Variants in RAPGEF1 observed in about 807,000 individuals in gnomAD.
The protein encoded by RAPGEF1 is CRK SH3-binding GNRP.
In RAPGEF1, 33 loss-of-function variants were observed where a neutral mutation model predicts 143.3. The observed-to-expected ratio is 0.23, with a 90% CI of 0.17 to 0.31. The LOEUF is 0.31. Ranked by LOEUF, RAPGEF1 falls within the 10% of genes least tolerant of loss-of-function variation. RAPGEF1 has a pLI of 1.00. For missense variants in RAPGEF1, 1,199 were observed against 1,645.4 expected (o/e 0.73, Z 4.69); for synonymous variants, 629 against 676.5 (o/e 0.93, Z 1.09).
At chr9:131,699,395 C>A (rs1834456057) in intron 1 of RAPGEF1, among the ~76,000 whole-genome samples, 1 of 152,146 alleles carries the variant, frequency 6.6e-6, no homozygotes, top group Non-Finnish European at 1.5e-5. Context: ...CAGGCATGTG[C>A]CACCATGCCT....
intron 25 of RAPGEF1, among the ~76,000 whole-genome samples, chr9:131,580,955 G>C (rs1951773195): frequency 6.6e-6 from 1 of 152,046 alleles, no homozygotes. Flanking sequence ...GATCAACCTG[G>C]CCAACATGGT....
At chr9:131,677,162 G>A (rs1832475581) in intron 1 of RAPGEF1, among the ~76,000 whole-genome samples, 1 of 152,372 alleles carries the variant, frequency 6.6e-6, no homozygotes, top group East Asian at 1.9e-4. Flanking sequence ...CGTCTGCTTT[G>A]TGTTTAAGTT....
At chr9:131,691,624 G>C (rs1193337646) in intron 1 of RAPGEF1, among the ~76,000 whole-genome samples, 3 of 152,138 alleles carry the variant, frequency 2.0e-5, no homozygotes, top group Admixed American at 6.5e-5. Flanking sequence ...TTTTCAAGGA[G>C]ATTCATGGAA....
rs368355023 is a variant in RAPGEF1, at chr9:131,625,954, G to A, written c.1670C>T (p.Pro557Leu). 2 of 1,587,994 alleles carry A rather than the reference G, an allele frequency of 1.3e-6. No homozygotes were observed. Among genetic ancestry groups the A allele is most frequent in the African/African-American group, 2.7e-5 (2 of 74,384 alleles). ...GTTTTTCTTCTCTGGTAGAGGAGGT[G>A]GTTTTTCTGGGTCACCGGTTGACTC... ...APESTGDPEK[P>L]PPLPEKKNKH... The change falls in exon 10 of 27, where the codon CCA becomes CTA. Residue 557 changes from proline (P) to leucine (L), a missense_variant. This residue lies in a region of RAPGEF1 where 16 missense variants were observed against 52.7 expected (regional missense o/e 0.30). Coordinates refer to ENST00000683357, the MANE Select transcript of RAPGEF1 (RefSeq NM_001377935.1).
chr9:131,642,700 C>A (rs567704892), intron 4 of RAPGEF1, among the ~76,000 whole-genome samples: 7 of 152,182 alleles, frequency 4.6e-5, no homozygotes, highest in Non-Finnish European at 8.8e-5. Context: ...GTGCAGCCTC[C>A]AGGCTGCTGT....
intron 17 of RAPGEF1, among the ~76,000 whole-genome samples, chr9:131,594,696 C>T (rs1954939155): frequency 6.6e-6 from 1 of 152,190 alleles, no homozygotes; most frequent in South Asian, 2.1e-4. Flanking sequence ...TTCTGGGGAG[C>T]CTCCAACCCT....
chr9:131,680,317 C>T (rs892783702), intron 1 of RAPGEF1, among the ~76,000 whole-genome samples: 1 of 152,226 alleles, frequency 6.6e-6, no homozygotes, highest in Non-Finnish European at 1.5e-5. Flanking sequence ...CATTATTAAG[C>T]CTGGCTCTGC....
intron 1 of RAPGEF1, among the ~76,000 whole-genome samples, chr9:131,692,381 C>T (rs535958025): frequency 1.3e-5 from 2 of 152,302 alleles, no homozygotes; most frequent in African/African-American, 2.4e-5. Flanking sequence ...TAGGCTGGAA[C>T]GGATCCAGAA....
At chr9:131,590,992 C>T (rs987158438) in intron 18 of RAPGEF1, among the ~76,000 whole-genome samples, 6 of 152,232 alleles carry the variant, frequency 3.9e-5, no homozygotes, top group Admixed American at 3.3e-4. Flanking sequence ...CACCCACACA[C>T]ACATATTAAA....
At chr9:131,666,996 A>T (rs1830538431) in intron 1 of RAPGEF1, among the ~76,000 whole-genome samples, 1 of 151,296 alleles carries the variant, frequency 6.6e-6, no homozygotes, top group Non-Finnish European at 1.5e-5. Context: ...CCTTCAAAGC[A>T]TTCTTTTTTT....
At chr9:131,705,449 G>C (rs947848881) in intron 1 of RAPGEF1, among the ~76,000 whole-genome samples, 5 of 152,092 alleles carry the variant, frequency 3.3e-5, no homozygotes, top group Non-Finnish European at 5.9e-5. Flanking sequence ...CGAGGAAAGC[G>C]AGGGCATTTG....
At chr9:131,692,272 G>T (rs1833835303) in intron 1 of RAPGEF1, among the ~76,000 whole-genome samples, 1 of 152,182 alleles carries the variant, frequency 6.6e-6, no homozygotes, top group African/African-American at 2.4e-5. Flanking sequence ...AGAAATGAGG[G>T]TGACTGTAGA....
intron 1 of RAPGEF1, among the ~76,000 whole-genome samples, chr9:131,737,186 C>A (rs1251460904): frequency 6.6e-6 from 1 of 152,198 alleles, no homozygotes; most frequent in Non-Finnish European, 1.5e-5. Context: ...AGGTCCTGAC[C>A]CTGGTCTTGC....
At chr9:131,718,352 T>C (rs559252110) in intron 1 of RAPGEF1, among the ~76,000 whole-genome samples, 83 of 152,272 alleles carry the variant, frequency 5.5e-4, no homozygotes, top group African/African-American at 1.9e-3. Flanking sequence ...TTCACATGTG[T>C]GGGGAAGCCC....
rs76895118 is a variant in RAPGEF1 at position 131,669,593 on chromosome 9, T to C, written c.62-18644A>G. Among the ~76,000 whole-genome samples the C allele has an allele frequency of 5.0e-3, 768 of 152,254 alleles. 11 individuals carry two copies. The highest frequency in any genetic ancestry group is 5.5e-3 in the Non-Finnish European group (373 of 68,002). On this transcript the variant is annotated intron_variant, in intron 1 of 26. Transcript: ENST00000683357. ...GCAGTTCAGGCTCCTTCCTCCGAAC[T>C]GGAGGAGAAAGCGTCAACTCGCCTC... is the stretch of plus-strand genomic sequence containing the variant.
At chr9:131,622,370 G>T (rs566172221) in intron 10 of RAPGEF1, among the ~76,000 whole-genome samples, 1 of 152,258 alleles carries the variant, frequency 6.6e-6, no homozygotes, top group South Asian at 2.1e-4. Flanking sequence ...AGATTCAGAT[G>T]CCAAGAAAAA....
At chr9:131,674,130 A>G (rs753761022) in intron 1 of RAPGEF1, among the ~76,000 whole-genome samples, 25 of 152,172 alleles carry the variant, frequency 1.6e-4, no homozygotes, top group Non-Finnish European at 2.9e-4. Flanking sequence ...ACCACTGCAG[A>G]GCAGGGATTG....
chr9:131,648,081 G>A (rs1970133001), intron 3 of RAPGEF1, among the ~76,000 whole-genome samples: 1 of 152,140 alleles, frequency 6.6e-6, no homozygotes, highest in Non-Finnish European at 1.5e-5. Flanking sequence ...GACCTCTCTT[G>A]GAAAAATGAA....
chr9:131,737,353 T>C, intron 1 of RAPGEF1: 1 of 1,613,384 alleles, frequency 6.2e-7, no homozygotes, highest in Non-Finnish European at 8.5e-7. Context: ...GCACAAACAC[T>C]GTCCCCTCCA....
Sources: allele counts gnomAD v4.1 joint callset (sites outside exome capture counted in the v4.1 genomes callset), GRCh38; gene constraint gnomAD v4.1.1; regional missense constraint gnomAD v4.1.1; transcripts MANE v1.5; gene names NCBI Gene and HGNC (gene_info 2026-07-23, HGNC 2026-07-21).